Variants in ELMO1 observed in about 807,000 individuals in gnomAD.
ELMO1 encodes the protein engulfment and cell motility 1, also known as engulfment and cell motility protein 1.
In ELMO1, 26 loss-of-function variants were observed where a neutral mutation model predicts 98.9. The ratio of observed to expected loss-of-function variants is 0.26; its 90% CI spans 0.19 to 0.36. The LOEUF is 0.36. Ranked by LOEUF, ELMO1 falls within the 10% of genes least tolerant of loss-of-function variation. The pLI, the probability that ELMO1 is intolerant of heterozygous loss-of-function variation, is 1.00. For synonymous variants in ELMO1, 346 were observed against 346.0 expected (o/e 1.00, Z 0.00); for missense variants, 627 against 935.2 (o/e 0.67, Z 4.30).
chr7:37,419,623 TGA>T (rs34121635), intron 1 of ELMO1: 57,204 of 152,716 alleles, frequency 0.37, 11,245 homozygotes, highest in East Asian at 0.59. Flanking sequence ...ACTATAAAGA[TGA>T]GAGGCCTCCT....
Position 37,228,626 on chromosome 7 carries a change from G to A in ELMO1, c.550-3596C>T, listed in dbSNP as rs1793995051. On this transcript the variant is annotated intron_variant, in intron 8 of 21. Coordinates refer to ENST00000310758, the MANE Select transcript of ELMO1 (RefSeq NM_014800.11). ...TTAAGAAGCTAAGGGGCATTACAGTGCATGAATCAACGATCCAATAAATAC... is the reference window on the plus strand; with the variant it reads ...TTAAGAAGCTAAGGGGCATTACAGTACATGAATCAACGATCCAATAAATAC... Among the ~76,000 whole-genome samples, 3 of 152,144 alleles carry A rather than the reference G, an allele frequency of 2.0e-5. No individual in the cohort carries two copies. The South Asian group carries it at 6.2e-4, about 32-fold the overall frequency.
chr7:37,413,834 C>T (rs576753525), intron 1 of ELMO1, among the ~76,000 whole-genome samples: 5 of 152,076 alleles, frequency 3.3e-5, no homozygotes, highest in African/African-American at 4.8e-5. Flanking sequence ...CACACCACCA[C>T]GTCTGGCTAA....
At chr7:37,080,600 ATTTTT>A (rs764259726) in intron 15 of ELMO1, among the ~76,000 whole-genome samples, 1 of 105,236 alleles carries the variant, frequency 9.5e-6, no homozygotes, top group African/African-American at 3.9e-5. Flanking sequence ...ACCACGCCTA[ATTTTT>A]TTTTTTTTTT....
In ELMO1 at chr7:36,875,659, C is replaced by T. The variant is rs115214209; in HGVS notation, c.1822+2351G>A. ...TTGCAGCTCTGGCCTTGCTCTCCTG[C>T]ACTCACCCTGGCAAGCTGGCTCTCC... On this transcript the variant is annotated intron_variant, in intron 19 of 21. Coordinates refer to ENST00000310758, the MANE Select transcript of ELMO1 (RefSeq NM_014800.11). Among the ~76,000 whole-genome samples, 590 of 152,268 alleles carry T rather than the reference C, an allele frequency of 3.9e-3. 7 individuals are homozygous for T. The highest frequency in any genetic ancestry group is 0.013 in the African/African-American group (553 of 41,542).
chr7:37,170,835 G>A (rs1055015027), intron 13 of ELMO1, among the ~76,000 whole-genome samples: 5 of 152,040 alleles, frequency 3.3e-5, no homozygotes, highest in African/African-American at 4.8e-5. Flanking sequence ...TCAAACTCAT[G>A]GCCTCAAGTG....
intron 1 of ELMO1, among the ~76,000 whole-genome samples, chr7:37,348,177 T>C (rs1304018027): frequency 2.0e-5 from 3 of 152,222 alleles, no homozygotes; most frequent in Non-Finnish European, 2.9e-5. Flanking sequence ...CTGAGCCTAG[T>C]GTTATCAAAA....
At chr7:37,043,097 G>A (rs979394523) in intron 15 of ELMO1, among the ~76,000 whole-genome samples, 5 of 152,138 alleles carry the variant, frequency 3.3e-5, no homozygotes, top group South Asian at 2.1e-4. Flanking sequence ...GTTCACTGTG[G>A]CAGGTTCAGG....
intron 1 of ELMO1, among the ~76,000 whole-genome samples, chr7:37,359,496 G>A (rs1288729459): frequency 6.6e-6 from 1 of 152,158 alleles, no homozygotes; most frequent in Non-Finnish European, 1.5e-5. Flanking sequence ...CTTACCCTGT[G>A]CCAGGTACCC....
chr7:36,933,986 A>C (rs1786280192), intron 16 of ELMO1, among the ~76,000 whole-genome samples: 1 of 152,110 alleles, frequency 6.6e-6, no homozygotes, highest in Admixed American at 6.5e-5. Flanking sequence ...TTTGGTATGG[A>C]AAGGTCTGAA....
chr7:36,875,863 C>T (rs1803919256), intron 19 of ELMO1, among the ~76,000 whole-genome samples: 1 of 152,194 alleles, frequency 6.6e-6, no homozygotes, highest in Non-Finnish European at 1.5e-5. Context: ...CATGGGGGTG[C>T]TGTGCTAACA....
Position 37,133,888 on chromosome 7 carries a change from A to G in ELMO1, c.1087-654T>C, listed in dbSNP as rs572525129. Reference sequence around the variant, plus strand: ...CACAGAACCCCAAAGATTAAATAATAGCTACAGATATGCAGAACTCAAACA... The same window carrying G: ...CACAGAACCCCAAAGATTAAATAATGGCTACAGATATGCAGAACTCAAACA... On this transcript the variant is annotated intron_variant, in intron 13 of 21. Coordinates refer to ENST00000310758, the MANE Select transcript of ELMO1 (RefSeq NM_014800.11). Among the ~76,000 whole-genome samples the G allele has an allele frequency of 7.9e-5, 12 of 152,338 alleles. No individual in the cohort carries two copies. In the East Asian group the frequency reaches 2.1e-3, roughly 27 times the overall value.
intron 1 of ELMO1, among the ~76,000 whole-genome samples, chr7:37,445,423 G>A (rs909456422): frequency 1.3e-5 from 2 of 152,184 alleles, no homozygotes; most frequent in African/African-American, 4.8e-5. Flanking sequence ...AGATCTGGAA[G>A]GGAAATGTTA....
At chr7:37,381,666 CAATGTCGAGGG>C (rs1802588134) in intron 1 of ELMO1, among the ~76,000 whole-genome samples, 1 of 152,072 alleles carries the variant, frequency 6.6e-6, no homozygotes. Flanking sequence ...ATCCACAAAC[CAATGTCGAGGG>C]AAATTTATCT....
intron 16 of ELMO1, among the ~76,000 whole-genome samples, chr7:37,011,124 C>T (rs959095089): frequency 5.9e-5 from 9 of 152,184 alleles, no homozygotes; most frequent in African/African-American, 9.7e-5. Context: ...ATTAGAGCTA[C>T]GGTAAGAAAC....
rs139715306 is a variant in ELMO1, at chr7:37,131,932, A to G, written c.1191+1198T>C. Among the ~76,000 whole-genome samples, 23 of 152,322 alleles carry G rather than the reference A, an allele frequency of 1.5e-4. 1 individual carries two copies. The highest frequency in any genetic ancestry group is 5.5e-4 in the African/African-American group (23 of 41,562). On this transcript the variant is annotated intron_variant, in intron 14 of 21. Transcript: ENST00000310758. ...TGATCTGGCATGGCCTTATTCAAGGAGGTCACTGCTGGGTGGTACAGTTTT... is the reference window on the plus strand; with the variant it reads ...TGATCTGGCATGGCCTTATTCAAGGGGGTCACTGCTGGGTGGTACAGTTTT...
At chr7:36,989,539 T>A (rs1218940462) in intron 16 of ELMO1, among the ~76,000 whole-genome samples, 1 of 151,974 alleles carries the variant, frequency 6.6e-6, no homozygotes, top group Non-Finnish European at 1.5e-5. Flanking sequence ...TCAAAATTAA[T>A]CTCCCACATA....
At chr7:37,232,965 TA>T (rs1026161312) in intron 8 of ELMO1, 129 bp downstream of exon 8, 12 of 811,920 alleles carry the variant, frequency 1.5e-5, no homozygotes, top group Non-Finnish European at 2.3e-5. Context: ...CATAATATTA[TA>T]AAAAATCATA....
At chr7:37,038,673 T>C (rs1795327270) in intron 15 of ELMO1, among the ~76,000 whole-genome samples, 1 of 152,230 alleles carries the variant, frequency 6.6e-6, no homozygotes, top group Admixed American at 6.5e-5. Flanking sequence ...GTGTATTAGT[T>C]TGTTCAGGCT....
chr7:37,265,000 A>T (rs1796166264), intron 5 of ELMO1, among the ~76,000 whole-genome samples: 1 of 152,098 alleles, frequency 6.6e-6, no homozygotes. Context: ...ATTTTCCTGG[A>T]ATGTTTGCTG....
Sources: gnomAD v4.1 joint callset for allele counts (sites outside exome capture counted in the v4.1 genomes callset) on GRCh38, gnomAD v4.1.1 for gene constraint, MANE v1.5 for transcripts, NCBI Gene and HGNC (gene_info 2026-07-23, HGNC 2026-07-21) for gene names.